The following TNXB variants were observed in gnomAD, a reference collection of about 807,000 sequenced individuals.
The protein encoded by TNXB is tenascin-X.
TNXB carries 183 observed loss-of-function variants against 340.5 expected under a neutral mutation model. The observed-to-expected ratio is 0.54, with a 90% CI of 0.48 to 0.61. TNXB has a LOEUF of 0.61. TNXB is among the 20% of genes least tolerant of loss of function. TNXB has a pLI of 0.00. For synonymous variants in TNXB, 2,121 were observed against 2,314.5 expected, an observed-to-expected ratio of 0.92 and a Z score of 2.40; for missense variants, 4,613 against 5,446.4, an observed-to-expected ratio of 0.85 and a Z score of 4.82.
At chr6:32,098,805 C>T (rs1386808178) in intron 1 of TNXB, among the ~76,000 whole-genome samples, 1 of 152,130 alleles carries the variant, frequency 6.6e-6, no homozygotes, top group Non-Finnish European at 1.5e-5. Flanking sequence ...GTTTTTCCCA[C>T]GAGCACTACA....
chr6:32,054,864 G>A (rs1777536087), intron 24 of TNXB, among the ~76,000 whole-genome samples: 1 of 152,218 alleles, frequency 6.6e-6, no homozygotes, highest in Admixed American at 6.5e-5. Context: ...TCTGGTCTTG[G>A]CGTGGTCCAG....
chr6:32,093,483 C>A (rs1333081150), intron 4 of TNXB: 2 of 674,248 alleles, frequency 3.0e-6, no homozygotes, highest in Non-Finnish European at 2.7e-6. Context: ...CAAGACAAAG[C>A]AAAGTGGAGT....
intron 1 of TNXB, among the ~76,000 whole-genome samples, chr6:32,104,649 T>C (rs1780890426): frequency 6.6e-6 from 1 of 152,098 alleles, no homozygotes; most frequent in Non-Finnish European, 1.5e-5. Flanking sequence ...TTTTCTTTTT[T>C]TTTGAGACAG....
In TNXB at chr6:32,105,297, G is replaced by A. The variant is rs566064949; in HGVS notation, c.-9+3884C>T. ...CAGGGAAGTTTTCCTGACCAGGTCA[G>A]GTCCTCCTATCATGTGATATCACAG... is the stretch of plus-strand genomic sequence containing the variant. On this transcript the variant is annotated intron_variant, in intron 1 of 43. Coordinates refer to ENST00000644971, the MANE Select transcript of TNXB (RefSeq NM_001365276.2). Among the ~76,000 whole-genome samples, 13 of 152,214 alleles carry A rather than the reference G, an allele frequency of 8.5e-5. No individual in the cohort carries two copies. The East Asian group carries it at 2.5e-3, about 29-fold the overall frequency.
In TNXB at chr6:32,095,895, G is replaced by A. The variant is rs1400458163; in HGVS notation, c.1958C>T (p.Pro653Leu). The A allele has an allele frequency of 5.0e-6, 8 of 1,612,552 alleles. No homozygotes were observed. The highest frequency in any genetic ancestry group is 6.8e-6 in the Non-Finnish European group (8 of 1,179,452). The change falls in exon 3 of 44, where the codon CCG becomes CTG. Residue 653 changes from proline to leucine, a missense_variant. By Grantham distance (98) the Pro-to-Leu change is moderately conservative. Transcript: ENST00000644971. Reference protein sequence around the residue: ...TGPTCATRMCPADCRGRGRCV... With the variant: ...TGPTCATRMCLADCRGRGRCV... ...CCGCCCACGTCCCCGGCAGTCAGCC[G>A]GGCACATGCGGGTGGCACAGGTAGG...
At position 32,088,790 on chromosome 6, in the gene TNXB, T is replaced by G; in HGVS notation, c.2774A>C (p.Asn925Thr). Residue 925 changes from asparagine to threonine, a missense_variant, in exon 6 of 44, where the codon AAC becomes ACC. By Grantham distance (65) the Asn-to-Thr change is moderately conservative. Coordinates refer to ENST00000644971, the MANE Select transcript of TNXB (RefSeq NM_001365276.2). ...AVSYPASVRA[N>T]TGSSPLGLLG... ...TAACCTCTGGCCAGCCATACCTGTG[T>G]TGGCCCTGACAGAAGCTGGGTAGCT... is the stretch of plus-strand genomic sequence containing the variant. 6.4e-7 allele frequency: 1 copy of G among 1,571,274 alleles called. No individual in the cohort carries two copies. Among genetic ancestry groups the G allele is most frequent in the Middle Eastern group, 1.7e-4 (1 of 5,772 alleles).
rs1246063218 is a variant in TNXB, at chr6:32,046,050, C to T, written c.10606+125G>A. On this transcript the variant is annotated intron_variant, in intron 31 of 43. Transcript: ENST00000644971. The surrounding 1 kb of genome is among the most constrained non-coding windows in gnomAD (Gnocchi z 6.9). ...ACAGGGCTGCAGACTCCTCCTCCTT[C>T]CTGGGGACAGGCCAGGGCGCCCCAC... The T allele has an allele frequency of 1.4e-5, 20 of 1,444,182 alleles. No individual in the cohort carries two copies. The highest frequency in any genetic ancestry group is 1.6e-5 in the Non-Finnish European group (18 of 1,103,392). 89.5% of individuals were successfully genotyped at this position (1,444,182 alleles called of 1,614,324 possible). A position where few individuals can be genotyped will look rare whatever the true frequency, so the allele number is the denominator to read the frequency against.
chr6:32,089,118 C>T lies in TNXB; in HGVS notation c.2516-70G>A. On this transcript the variant is annotated intron_variant, in intron 5 of 43. Transcript: ENST00000644971. This position sits in a 1 kb window ranked among gnomAD's most constrained non-coding sequence, Gnocchi z 6.2. ...CAATCATCATCTTTCCTTCCAAGAG[C>T]CTAGCCCCCATCCAGCCCCTTCCTT... The T allele has an allele frequency of 6.3e-7, 1 of 1,582,634 alleles. No individual in the cohort carries two copies. Among genetic ancestry groups the T allele is most frequent in the Admixed American group, 1.7e-5 (1 of 58,610 alleles).
chr6:32,054,981 G>A (rs554346882), intron 24 of TNXB, among the ~76,000 whole-genome samples: 185 of 152,270 alleles, frequency 1.2e-3, no homozygotes, highest in Non-Finnish European at 2.1e-3. Flanking sequence ...CAGTAAGGAT[G>A]AACTCTAACA....
chr6:32,081,510 C>T lies in TNXB; in HGVS notation c.3900G>A (p.Gly1300=). The change falls in exon 10 of 44, where the codon GGG becomes GGA. Residue 1300 remains glycine (G), a synonymous_variant. Coordinates refer to ENST00000644971, the MANE Select transcript of TNXB (RefSeq NM_001365276.2). This position sits in a 1 kb window ranked among gnomAD's most constrained non-coding sequence, Gnocchi z 5.1. ...CCGCAACAGGCACTGCCTGGGGCTG[C>T]CCCTGTGCATCCTTGTACTGGACCA... ...SFMVQYKDAQ[G]QPQAVPVAGD... The T allele has an allele frequency of 6.2e-7, 1 of 1,607,414 alleles. No homozygotes were observed. Among genetic ancestry groups the T allele is most frequent in the Non-Finnish European group, 8.5e-7 (1 of 1,177,014 alleles).
In TNXB at chr6:32,079,751, T is replaced by G. The variant is rs905550793; in HGVS notation, c.4043-386A>C. Reference sequence around the variant, plus strand: ...CTCATATGAGGATCTGACCATGGAATGTGCTCTTGCTGTGGCCTCCCCAGG... The same window carrying G: ...CTCATATGAGGATCTGACCATGGAAGGTGCTCTTGCTGTGGCCTCCCCAGG... On this transcript the variant is annotated intron_variant, in intron 10 of 43. Transcript: ENST00000644971. This position sits in a 1 kb window ranked among gnomAD's most constrained non-coding sequence, Gnocchi z 7.1. Among the ~76,000 whole-genome samples the G allele has an allele frequency of 6.6e-5, 10 of 152,156 alleles. No individual in the cohort carries two copies. The highest frequency in any genetic ancestry group is 2.4e-4 in the African/African-American group (10 of 41,442).
rs1451747427 is a variant in TNXB, at chr6:32,086,113, A to C, written c.2785T>G (p.Ser929Ala). 1 of 1,518,826 alleles carries C rather than the reference A, an allele frequency of 6.6e-7. No homozygotes were observed. Among genetic ancestry groups the C allele is most frequent in the African/African-American group, 1.4e-5 (1 of 72,338 alleles). 94.1% of individuals were successfully genotyped at this position (1,518,826 alleles called of 1,614,324 possible). A position where few individuals can be genotyped will look rare whatever the true frequency, so the allele number is the denominator to read the frequency against. Residue 929 changes from serine to alanine, a missense_variant, in exon 7 of 44, where the codon TCA (serine) becomes GCA (alanine). Physicochemically the swap from Ser to Ala is moderately conservative, Grantham distance 99. This residue lies in a region of TNXB where 4,327 missense variants were observed against 4,859.4 expected (regional missense o/e 0.89). Coordinates refer to ENST00000644971, the MANE Select transcript of TNXB (RefSeq NM_001365276.2). The part of the protein sequence containing the change: ...PASVRANTGS[S>A]PLGLLGTTDE... ...GTAGTCCCCAAGAGGCCCAAGGGTG[A>C]GGACCCTGGGAAGGGGCAGGGTGAG...
chr6:32,081,379 ACCACAGACTCGGGCC>A lies in TNXB; in HGVS notation c.4016_4030del (p.Gly1339_Val1343del). The A allele has an allele frequency of 6.5e-7, 1 of 1,537,836 alleles. No individual in the cohort carries two copies. Among genetic ancestry groups the A allele is most frequent in the Non-Finnish European group, 8.8e-7 (1 of 1,138,166 alleles). Reference sequence around the variant, plus strand: ...CAGCCATGACTCACCAGTCTTGGCCACCACAGACTCGGGCCCCACACGCTGCCTGCCACGAAGCCC... The same window carrying A: ...CAGCCATGACTCACCAGTCTTGGCCACCACACGCTGCCTGCCACGAAGCCC... On this transcript the variant is annotated inframe_deletion, in exon 10 of 44. Transcript: ENST00000644971. The surrounding 1 kb of genome is among the most constrained non-coding windows in gnomAD (Gnocchi z 5.1).
chr6:32,075,020 C>T lies in TNXB; in HGVS notation c.4376-1068G>A, dbSNP rs568963745. ...TTCTTCCAGCTGCTCAGATCTAAAC[C>T]GCCAGAGTCATCCCCGAGTCCTCTC... On this transcript the variant is annotated intron_variant, in intron 11 of 43. Transcript: ENST00000644971. The surrounding 1 kb of genome is among the most constrained non-coding windows in gnomAD (Gnocchi z 4.6). 1.3e-5 allele frequency among the ~76,000 whole-genome samples: 2 copies of T among 152,184 alleles called. No homozygotes were observed. The highest frequency in any genetic ancestry group is 2.9e-5 in the Non-Finnish European group (2 of 68,034).
Position 32,048,504 on chromosome 6 carries a change from GC to G in TNXB, c.9903del (p.Gln3302SerfsTer7). On this transcript the variant is annotated frameshift_variant, in exon 29 of 44. Transcript: ENST00000644971. LOFTEE classifies it high-confidence loss of function. ...CCGCTCACAGGCACTGCCTGGGGCT[GC>G]CCCTGCGCGTCCCTGTACTGTACCA... The part of the protein sequence containing the change: ...SFLVQYRDAQ[G>X]QPQAVPVSGD... 1 of 1,602,762 alleles carries G rather than the reference GC, an allele frequency of 6.2e-7. No homozygotes were observed. The highest frequency in any genetic ancestry group is 8.5e-7 in the Non-Finnish European group (1 of 1,175,662).
Position 32,069,091 on chromosome 6 carries a change from G to A in TNXB, c.5633C>T (p.Pro1878Leu), listed in dbSNP as rs1361535267. Reference protein sequence around the residue: ...TETETTAPTPPAPEPHLGELT... With the variant: ...TETETTAPTPLAPEPHLGELT... Reference sequence around the variant, plus strand: ...CTCCCCGAGGTGGGGCTCAGGCGCTGGAGGGGTCGGGGCCGTGGTCTCAGT... The same window carrying A: ...CTCCCCGAGGTGGGGCTCAGGCGCTAGAGGGGTCGGGGCCGTGGTCTCAGT... Residue 1878 changes from proline to leucine, a missense_variant, in exon 16 of 44, where the codon CCA becomes CTA. Physicochemically the swap from Pro to Leu is moderately conservative, Grantham distance 98. Coordinates refer to ENST00000644971, the MANE Select transcript of TNXB (RefSeq NM_001365276.2). This position sits in a 1 kb window ranked among gnomAD's most constrained non-coding sequence, Gnocchi z 6.2. The A allele has an allele frequency of 6.2e-7, 1 of 1,612,270 alleles. No homozygotes were observed. Among genetic ancestry groups the A allele is most frequent in the South Asian group, 1.1e-5 (1 of 91,060 alleles).
At position 32,075,629 on chromosome 6, in the gene TNXB, C is replaced by T. The variant is rs749223821; in HGVS notation, c.4376-1677G>A. Among the ~76,000 whole-genome samples, 5 of 152,204 alleles carry T rather than the reference C, an allele frequency of 3.3e-5. No homozygotes were observed. Among genetic ancestry groups the T allele is most frequent in the Non-Finnish European group, 5.9e-5 (4 of 68,044 alleles). ...ATATTTGTGCAATTTGTTGCCTGTC[C>T]CTCTCCACTAGAATGTGAGCTCCTC... On this transcript the variant is annotated intron_variant, in intron 11 of 43. Coordinates refer to ENST00000644971, the MANE Select transcript of TNXB (RefSeq NM_001365276.2). This position sits in a 1 kb window ranked among gnomAD's most constrained non-coding sequence, Gnocchi z 4.6.
At position 32,069,021 on chromosome 6, in the gene TNXB, CCAGGAGAGATG is replaced by C; in HGVS notation, c.5692_5702del (p.His1898AspfsTer4). ...AGTCAAATTCTCCCTCAGTCACCAT[CCAGGAGAGATG>C]CAGGGTGTGTGACGTGGCCTCCTCC... On this transcript the variant is annotated frameshift_variant, in exon 16 of 44. Coordinates refer to ENST00000644971, the MANE Select transcript of TNXB (RefSeq NM_001365276.2). LOFTEE classifies it high-confidence loss of function. The surrounding 1 kb of genome is among the most constrained non-coding windows in gnomAD (Gnocchi z 6.2). 6.2e-7 allele frequency: 1 copy of C among 1,612,860 alleles called. No homozygotes were observed. The highest frequency in any genetic ancestry group is 8.5e-7 in the Non-Finnish European group (1 of 1,179,884).
At position 32,064,711 on chromosome 6, in the gene TNXB, C is replaced by G; in HGVS notation, c.6841+110G>C. The G allele has an allele frequency of 7.0e-7, 1 of 1,425,752 alleles. No homozygotes were observed. The highest frequency in any genetic ancestry group is 9.3e-7 in the Non-Finnish European group (1 of 1,075,510). 88.3% of individuals were successfully genotyped at this position (1,425,752 alleles called of 1,614,324 possible). A position where few individuals can be genotyped will look rare whatever the true frequency, so the allele number is the denominator to read the frequency against. On this transcript the variant is annotated intron_variant, in intron 19 of 43. Transcript: ENST00000644971. This position sits in a 1 kb window ranked among gnomAD's most constrained non-coding sequence, Gnocchi z 5.3. The stretch of plus-strand genomic sequence containing the variant: ...GCACCAGCAGAACCATTCCCAGGAG[C>G]TTGGGAGGCTTGGTCTCAGGGAAAG...
Sources: gnomAD v4.1 joint callset for allele counts (sites outside exome capture counted in the v4.1 genomes callset) on GRCh38, gnomAD v4.1.1 for gene constraint, gnomAD v4.1.1 regional missense constraint, Gnocchi (gnomAD v3.1) non-coding constraint, MANE v1.5 for transcripts, NCBI Gene and HGNC (gene_info 2026-07-23, HGNC 2026-07-21) for gene names.